R3HCC1L: variants seen among roughly 807,000 people sequenced by gnomAD.
R3HCC1L encodes coiled-coil domain-containing protein R3HCC1L.
R3HCC1L carries 51 observed loss-of-function variants against 59.9 expected under a neutral mutation model. That is an observed-to-expected ratio of 0.85 (90% CI 0.68 to 1.07). The LOEUF (loss-of-function observed/expected upper bound fraction) is 1.07, where lower values mean the gene tolerates loss of function less well. Ranked by LOEUF, R3HCC1L falls within the 50% of genes least tolerant of loss-of-function variation. R3HCC1L has a pLI of 0.00. For missense variants in R3HCC1L, 965 were observed against 933.0 expected (o/e 1.03, Z -0.45); for synonymous variants, 322 against 315.2 (o/e 1.02, Z -0.23).
chr10:98,135,708 C>G (rs1844501119), intron 1 of R3HCC1L, among the ~76,000 whole-genome samples: 1 of 152,220 alleles, frequency 6.6e-6, no homozygotes, highest in South Asian at 2.1e-4. Flanking sequence ...AAAACTTCAT[C>G]TGGATTTTAA....
At chr10:98,242,393 G>A (rs1236839993) in intron 9 of R3HCC1L, among the ~76,000 whole-genome samples, 1 of 152,130 alleles carries the variant, frequency 6.6e-6, no homozygotes, top group African/African-American at 2.4e-5. Context: ...ATTTTAGAAA[G>A]GTAATATGGT....
At position 98,234,970 on chromosome 10, in the gene R3HCC1L, T is replaced by A. The variant is rs550703959; in HGVS notation, c.2032+454T>A. Reference sequence around the variant, plus strand: ...TCATGATAGATCTGATGCAGAGGCATTCAAAGAAAATAGAGATATTGAAAC... The same window carrying A: ...TCATGATAGATCTGATGCAGAGGCAATCAAAGAAAATAGAGATATTGAAAC... On this transcript the variant is annotated intron_variant, in intron 7 of 9. Coordinates refer to ENST00000298999, the MANE Select transcript of R3HCC1L (RefSeq NM_001351015.2). 4.0e-4 allele frequency among the ~76,000 whole-genome samples: 61 copies of A among 152,320 alleles called. 1 individual carries two copies. The highest frequency in any genetic ancestry group is 1.4e-3 in the African/African-American group (60 of 41,578).
intron 4 of R3HCC1L, among the ~76,000 whole-genome samples, chr10:98,200,286 GA>G (rs1851894514): frequency 6.6e-6 from 1 of 152,088 alleles, no homozygotes; most frequent in Non-Finnish European, 1.5e-5. Flanking sequence ...CTATTAGTGA[GA>G]AATTGATAAA....
At chr10:98,175,108 T>A (rs1202088613) in intron 4 of R3HCC1L, among the ~76,000 whole-genome samples, 1 of 152,132 alleles carries the variant, frequency 6.6e-6, no homozygotes, top group Non-Finnish European at 1.5e-5. Context: ...AAGTTTTAAG[T>A]AATGACTGCA....
At chr10:98,181,068 A>T (rs1170986305) in intron 4 of R3HCC1L, among the ~76,000 whole-genome samples, 1 of 152,100 alleles carries the variant, frequency 6.6e-6, no homozygotes, top group East Asian at 1.9e-4. Context: ...TAATATTGTT[A>T]TGTGTGAATT....
At chr10:98,152,831 C>T (rs1209600439) in intron 1 of R3HCC1L, among the ~76,000 whole-genome samples, 7 of 150,962 alleles carry the variant, frequency 4.6e-5, no homozygotes, top group Non-Finnish European at 7.4e-5. Flanking sequence ...CCCCTCCACC[C>T]GGCAGCCGCC....
At chr10:98,230,841 G>A (rs1856290565) in intron 5 of R3HCC1L, among the ~76,000 whole-genome samples, 2 of 152,088 alleles carry the variant, frequency 1.3e-5, no homozygotes, top group Admixed American at 6.6e-5. Flanking sequence ...CCAGTGTGAA[G>A]TTCAGCTTTT....
At chr10:98,210,097 GC>G (rs1853395226) in intron 5 of R3HCC1L, among the ~76,000 whole-genome samples, 198 bp downstream of exon 5, 1 of 152,098 alleles carries the variant, frequency 6.6e-6, no homozygotes, top group African/African-American at 2.4e-5. Context: ...ATCTATAATA[GC>G]CAAGCCCTGA....
At chr10:98,200,052 T>G (rs1444805066) in intron 4 of R3HCC1L, among the ~76,000 whole-genome samples, 2 of 152,118 alleles carry the variant, frequency 1.3e-5, no homozygotes, top group Admixed American at 1.3e-4. Flanking sequence ...ATTCTTATTC[T>G]ATCATCGTCC....
In R3HCC1L at chr10:98,236,375, G is replaced by C. The variant is rs17109122; in HGVS notation, c.2269+211G>C. ...CACGCACCAAGACATTCTAATCCAC[G>C]CTCCTACTGTTGTTTTCCAAGAGAT... On this transcript the variant is annotated intron_variant, in intron 9 of 9. Transcript: ENST00000298999. Among the ~76,000 whole-genome samples, 37 of 152,232 alleles carry C rather than the reference G, an allele frequency of 2.4e-4. 1 individual carries two copies. The East Asian group carries it at 6.8e-3, about 28-fold the overall frequency.
chr10:98,218,626 G>T (rs1854494835), intron 5 of R3HCC1L, among the ~76,000 whole-genome samples: 1 of 152,166 alleles, frequency 6.6e-6, no homozygotes, highest in Non-Finnish European at 1.5e-5. Flanking sequence ...TCATTAGGTT[G>T]TGCTGATGAG....
chr10:98,224,169 A>G (rs1590789452), intron 5 of R3HCC1L, among the ~76,000 whole-genome samples: 1 of 152,000 alleles, frequency 6.6e-6, no homozygotes, highest in Admixed American at 6.6e-5. Flanking sequence ...GAAGGTGTGC[A>G]TGAGTGACAG....
At position 98,208,599 on chromosome 10, in the gene R3HCC1L, T is replaced by C. The variant is rs1348912174; in HGVS notation, c.485T>C (p.Leu162Pro). 1 of 1,614,130 alleles carries C rather than the reference T, an allele frequency of 6.2e-7. No homozygotes were observed. The highest frequency in any genetic ancestry group is 8.5e-7 in the Non-Finnish European group (1 of 1,180,022). Residue 162 changes from leucine to proline, a missense_variant, in exon 5 of 10, where the codon CTT (leucine) becomes CCT (proline). Transcript: ENST00000298999. ...GATGTGACAGGACATGAGAGGATACTTCTTTCACAGGCCTGTTTAGAAATC... is the reference window on the plus strand; with the variant it reads ...GATGTGACAGGACATGAGAGGATACCTCTTTCACAGGCCTGTTTAGAAATC... ...TTDVTGHERI[L>P]LSQACLEISE...
rs188242374 is a variant in R3HCC1L, at chr10:98,219,335, C to A, written c.1785+9436C>A. 1.8e-4 allele frequency among the ~76,000 whole-genome samples: 28 copies of A among 152,252 alleles called. No individual in the cohort carries two copies. In the East Asian group the frequency reaches 3.1e-3, roughly 17 times the overall value. ...CCTTTTACTTCCAGGCAATATGTGTCTACAGGTGAAATGTTTCTTGTAGGC... is the reference window on the plus strand; with the variant it reads ...CCTTTTACTTCCAGGCAATATGTGTATACAGGTGAAATGTTTCTTGTAGGC... On this transcript the variant is annotated intron_variant, in intron 5 of 9. Transcript: ENST00000298999.
intron 4 of R3HCC1L, among the ~76,000 whole-genome samples, chr10:98,163,609 T>G (rs1847651727): frequency 6.6e-6 from 1 of 152,210 alleles, no homozygotes. Context: ...TTGTTTGTAG[T>G]AGAGAGGAGA....
At chr10:98,241,128 G>T (rs1414834203) in intron 9 of R3HCC1L, among the ~76,000 whole-genome samples, 2 of 151,880 alleles carry the variant, frequency 1.3e-5, no homozygotes, top group Admixed American at 6.6e-5. Flanking sequence ...AAATTAAGAG[G>T]TTATTTAGAT....
chr10:98,231,806 G>A (rs545719181), intron 6 of R3HCC1L, 119 bp downstream of exon 6: 22 of 1,099,832 alleles, frequency 2.0e-5, no homozygotes, highest in Non-Finnish European at 2.7e-5. Flanking sequence ...GCATCAGGCT[G>A]GTTTATTGTC....
chr10:98,135,751 C>T (rs1844507796), intron 1 of R3HCC1L, among the ~76,000 whole-genome samples: 1 of 152,194 alleles, frequency 6.6e-6, no homozygotes, highest in African/African-American at 2.4e-5. Context: ...TCTTCCTCAG[C>T]ACACACAACT....
At chr10:98,178,167 A>G (rs965546662) in intron 4 of R3HCC1L, among the ~76,000 whole-genome samples, 1 of 152,104 alleles carries the variant, frequency 6.6e-6, no homozygotes, top group Non-Finnish European at 1.5e-5. Context: ...GGTATTGCCT[A>G]GGTTTTTTTC....
Sources: gnomAD v4.1 joint callset for allele counts (sites outside exome capture counted in the v4.1 genomes callset) on GRCh38, gnomAD v4.1.1 for gene constraint, MANE v1.5 for transcripts, NCBI Gene and HGNC (gene_info 2026-07-23, HGNC 2026-07-21) for gene names.